Variants in LARP1B observed in about 807,000 individuals in gnomAD.
LARP1B encodes La ribonucleoprotein 1B.
In LARP1B, 76 loss-of-function variants were observed where a neutral mutation model predicts 114.2. The ratio of observed to expected loss-of-function variants is 0.67; its 90% CI spans 0.55 to 0.81. The LOEUF is 0.81. LARP1B is among the 30% of genes least tolerant of loss of function. The pLI is 0.00. For synonymous variants in LARP1B, 345 were observed against 348.0 expected, an observed-to-expected ratio of 0.99 and a Z score of 0.10; for missense variants, 1,014 against 1,075.8, an observed-to-expected ratio of 0.94 and a Z score of 0.80.
intron 9 of LARP1B, among the ~76,000 whole-genome samples, chr4:128,112,939 C>T (rs1285450467): frequency 1.3e-5 from 2 of 152,180 alleles, no homozygotes; most frequent in South Asian, 2.1e-4. Context: ...CTATGTCTAG[C>T]ATGTAGATGA....
intron 1 of LARP1B, chr4:128,069,290 T>C: frequency 5.7e-6 from 5 of 874,834 alleles, no homozygotes; most frequent in Non-Finnish European, 9.6e-6. Context: ...TCAGGACTTT[T>C]AGAGCCCCAC....
intron 10 of LARP1B, among the ~76,000 whole-genome samples, chr4:128,115,661 CTT>C (rs1371916614): frequency 6.6e-6 from 1 of 152,086 alleles, no homozygotes; most frequent in Non-Finnish European, 1.5e-5. Context: ...AAAAATATGA[CTT>C]TTATTTTTTG....
At chr4:128,125,124 A>G (rs1250383408) in intron 11 of LARP1B, among the ~76,000 whole-genome samples, 2 of 152,232 alleles carry the variant, frequency 1.3e-5, no homozygotes, top group Non-Finnish European at 2.9e-5. Context: ...ATGCTAGGTA[A>G]GTTATTATCA....
chr4:128,096,154 C>T (rs915695624), intron 7 of LARP1B, among the ~76,000 whole-genome samples: 25 of 152,038 alleles, frequency 1.6e-4, no homozygotes, highest in Middle Eastern at 3.2e-3. Flanking sequence ...CCACCTTGCC[C>T]GGCTAATTTT....
chr4:128,091,901 A>G (rs992905816), intron 7 of LARP1B, among the ~76,000 whole-genome samples: 2 of 152,186 alleles, frequency 1.3e-5, no homozygotes, highest in African/African-American at 4.8e-5. Flanking sequence ...CTGGCTGTTT[A>G]TAACATTTTT....
At chr4:128,157,369 C>T (rs1736301142) in intron 11 of LARP1B, among the ~76,000 whole-genome samples, 1 of 152,076 alleles carries the variant, frequency 6.6e-6, no homozygotes, top group Non-Finnish European at 1.5e-5. Flanking sequence ...GTGTAAGAGA[C>T]ATAGTCTAAC....
At chr4:128,072,117 A>G (rs1397142727) in intron 1 of LARP1B, among the ~76,000 whole-genome samples, 1 of 151,952 alleles carries the variant, frequency 6.6e-6, no homozygotes, top group Non-Finnish European at 1.5e-5. Context: ...CTCGTGCCTC[A>G]GCCTCCAGAG....
intron 7 of LARP1B, among the ~76,000 whole-genome samples, chr4:128,220,596 T>C (rs1039779919): frequency 1.3e-5 from 2 of 152,222 alleles, no homozygotes; most frequent in African/African-American, 2.4e-5. Context: ...TTTGCATTAG[T>C]TATTTGGTTA....
chr4:128,206,339 G>T, intron 17 of LARP1B, 89 bp from the exon 18 acceptor site: 1 of 687,124 alleles, frequency 1.5e-6, no homozygotes, highest in Non-Finnish European at 2.3e-6. Context: ...TTTTTGTTTA[G>T]GATTAGTTGT....
chr4:128,110,195 G>A (rs1013993038), intron 9 of LARP1B, among the ~76,000 whole-genome samples: 7 of 152,012 alleles, frequency 4.6e-5, no homozygotes, highest in Admixed American at 4.6e-4. Context: ...CACTGTGCCC[G>A]GCCACTGATA....
Position 128,079,473 on chromosome 4 carries a change from G to T in LARP1B, c.217+1511G>T, listed in dbSNP as rs550353421. 3.9e-5 allele frequency among the ~76,000 whole-genome samples: 6 copies of T among 152,148 alleles called. No homozygotes were observed. The South Asian group carries it at 1.2e-3, about 32-fold the overall frequency. ...TATTCACTTGATACAATGAATAAAG[G>T]CTAATTGCTCAAAAACAGTGACAAC... On this transcript the variant is annotated intron_variant, in intron 4 of 19. Coordinates refer to ENST00000326639, the MANE Select transcript of LARP1B (RefSeq NM_018078.4).
chr4:128,179,954 T>C (rs927368777), intron 15 of LARP1B, among the ~76,000 whole-genome samples: 2 of 152,204 alleles, frequency 1.3e-5, no homozygotes, highest in Non-Finnish European at 2.9e-5. Flanking sequence ...ATTAGCTGAT[T>C]ATTAGCAGGA....
chr4:128,133,999 A>ATTTT (rs71587365), intron 11 of LARP1B, among the ~76,000 whole-genome samples: 48 of 139,054 alleles, frequency 3.5e-4, no homozygotes, highest in East Asian at 1.1e-3. Context: ...GCCCAGCCCA[A>ATTTT]TTTTTTTTTT....
chr4:128,208,022 GATAA>G (rs1333617317), intron 19 of LARP1B, among the ~76,000 whole-genome samples: 1 of 152,122 alleles, frequency 6.6e-6, no homozygotes, highest in Non-Finnish European at 1.5e-5. Flanking sequence ...GGAGGAAGAA[GATAA>G]ATAAAAAATA....
Position 128,077,933 on chromosome 4 carries a change from A to G in LARP1B, c.188A>G (p.Glu63Gly). Reference sequence around the variant, plus strand: ...CCTGGTGAAAACGTCAGTGAGGATGAGGCTCAGTCAAGTAATCAACGTAAG... The same window carrying G: ...CCTGGTGAAAACGTCAGTGAGGATGGGGCTCAGTCAAGTAATCAACGTAAG... ...NGPGENVSED[E>G]AQSSNQRKRA... is the part of the protein sequence containing the mutation. Residue 63 changes from glutamate (E) to glycine (G), a missense_variant, in exon 4 of 20, where the codon GAG (glutamate) becomes GGG (glycine). Glu to Gly is a moderately conservative substitution (Grantham distance 98). Coordinates refer to ENST00000326639, the MANE Select transcript of LARP1B (RefSeq NM_018078.4). 6.2e-7 allele frequency: 1 copy of G among 1,606,522 alleles called. No homozygotes were observed. The highest frequency in any genetic ancestry group is 8.5e-7 in the Non-Finnish European group (1 of 1,178,142).
chr4:128,199,799 T>A (rs1428638367), intron 16 of LARP1B, among the ~76,000 whole-genome samples, 200 bp downstream of exon 16: 1 of 152,206 alleles, frequency 6.6e-6, no homozygotes, highest in Non-Finnish European at 1.5e-5. Context: ...AAAATTAATA[T>A]ACTCGGCTGA....
chr4:128,068,704 C>G (rs560795051), intron 1 of LARP1B, among the ~76,000 whole-genome samples: 1 of 152,048 alleles, frequency 6.6e-6, no homozygotes, highest in Non-Finnish European at 1.5e-5. Context: ...TGAGCCTGGC[C>G]TGGCAGATTC....
intron 17 of LARP1B, among the ~76,000 whole-genome samples, chr4:128,204,869 A>T (rs916142809): frequency 2.0e-5 from 3 of 151,888 alleles, no homozygotes; most frequent in African/African-American, 7.2e-5. Context: ...TTAAAAATTA[A>T]AAAAAAAGAT....
At chr4:128,116,307 T>C (rs1785803585) in intron 10 of LARP1B, among the ~76,000 whole-genome samples, 1 of 152,184 alleles carries the variant, frequency 6.6e-6, no homozygotes, top group African/African-American at 2.4e-5. Flanking sequence ...ATACCTTGTT[T>C]GGGATGTTGT....
Sources: gnomAD v4.1 joint callset for allele counts (sites outside exome capture counted in the v4.1 genomes callset) on GRCh38, gnomAD v4.1.1 for gene constraint, MANE v1.5 for transcripts, NCBI Gene and HGNC (gene_info 2026-07-23, HGNC 2026-07-21) for gene names.